GARNL3: variants seen among roughly 807,000 people sequenced by gnomAD.
The protein encoded by GARNL3 is GTPase-activating Rap/Ran-GAP domain-like protein 3.
In GARNL3, 63 loss-of-function variants were observed where a neutral mutation model predicts 125.0. The ratio of observed to expected loss-of-function variants is 0.50; its 90% CI spans 0.41 to 0.62. GARNL3 has a LOEUF of 0.62. Ranked by LOEUF, GARNL3 falls within the 20% of genes least tolerant of loss-of-function variation. GARNL3 has a pLI of 0.00. For synonymous variants in GARNL3, 439 were observed against 457.5 expected, an observed-to-expected ratio of 0.96 and a Z score of 0.52; for missense variants, 994 against 1,244.0, an observed-to-expected ratio of 0.80 and a Z score of 3.02.
chr9:127,263,828 A>G (rs891672978), upstream of GARNL3: 68 of 1,295,260 alleles, frequency 5.2e-5, no homozygotes, highest in Non-Finnish European at 8.8e-6. Flanking sequence ...GAATGCCATT[A>G]GACTCTCTAA....
At chr9:127,262,679 G>C (rs1276368174), upstream of GARNL3, among the ~76,000 whole-genome samples, 1 of 152,262 alleles carries the variant, frequency 6.6e-6, no homozygotes, top group Non-Finnish European at 1.5e-5. Flanking sequence ...GCTCATTAGT[G>C]GGGGTGGCAG....
intron 1 of GARNL3, among the ~76,000 whole-genome samples, chr9:127,279,072 G>T (rs1033027655): frequency 6.6e-6 from 1 of 152,096 alleles, no homozygotes; most frequent in African/African-American, 2.4e-5. Context: ...CTGAATTTGG[G>T]GGGGGACACT....
chr9:127,393,357 C>T lies in GARNL3; in HGVS notation c.*103C>T. ...CAACAAAATGTGGCTTTTAGCCTGT[C>T]AGTGATCTATTGGACCAAACCTTCT... On this transcript the variant is annotated 3_prime_UTR_variant, in exon 28 of 28. Coordinates refer to ENST00000373387, the MANE Select transcript of GARNL3 (RefSeq NM_032293.5). 1 of 1,101,788 alleles carries T rather than the reference C, an allele frequency of 9.1e-7. No homozygotes were observed. The highest frequency in any genetic ancestry group is 1.3e-6 in the Non-Finnish European group (1 of 763,212). 68.3% of individuals were successfully genotyped at this position (1,101,788 alleles called of 1,614,324 possible).
At chr9:127,271,368 A>C (rs2063820619) in intron 1 of GARNL3, among the ~76,000 whole-genome samples, 1 of 150,400 alleles carries the variant, frequency 6.6e-6, no homozygotes. Flanking sequence ...TATTGATTGA[A>C]TGAATGAATG....
chr9:127,300,186 C>T, intron 2 of GARNL3: 1 of 327,450 alleles, frequency 3.1e-6, no homozygotes, highest in Non-Finnish European at 6.2e-6. Flanking sequence ...TAAAGTCTTC[C>T]TGAATGATAA....
At chr9:127,238,177 C>T (rs555444393) in intron 1 of GARNL3, among the ~76,000 whole-genome samples, 7 of 152,254 alleles carry the variant, frequency 4.6e-5, no homozygotes, top group African/African-American at 1.4e-4. Flanking sequence ...TTAGTAGAGA[C>T]GGGGTTTCAC....
rs567742386 is a variant in GARNL3, at chr9:127,382,098, C to G, written c.2162-1340C>G. 2.0e-5 allele frequency among the ~76,000 whole-genome samples: 3 copies of G among 152,020 alleles called. No homozygotes were observed. In the East Asian group the frequency reaches 5.8e-4, roughly 29 times the overall value. ...AGTGGATCACTTGAGGTCAGGAGTTCGACACCAGCCTGGCCAAATGGAGAA... is the reference window on the plus strand; with the variant it reads ...AGTGGATCACTTGAGGTCAGGAGTTGGACACCAGCCTGGCCAAATGGAGAA... On this transcript the variant is annotated intron_variant, in intron 22 of 27. Transcript: ENST00000373387.
In GARNL3 at chr9:127,320,704, T is replaced by G. The variant is rs1445141718; in HGVS notation, c.504-11T>G. 1 of 1,605,600 alleles carries G rather than the reference T, an allele frequency of 6.2e-7. No individual in the cohort carries two copies. Among genetic ancestry groups the G allele is most frequent in the Non-Finnish European group, 8.5e-7 (1 of 1,172,560 alleles). ...CTGATGCTGCAGCTCATCCTGTCCATTCTATTTCAGTGCCATGAATCTGGA... is the reference window on the plus strand; with the variant it reads ...CTGATGCTGCAGCTCATCCTGTCCAGTCTATTTCAGTGCCATGAATCTGGA... On this transcript the variant is annotated splice_polypyrimidine_tract_variant and intron_variant, in intron 5 of 27. Coordinates refer to ENST00000373387, the MANE Select transcript of GARNL3 (RefSeq NM_032293.5).
At chr9:127,291,422 C>T (rs2064412164) in intron 2 of GARNL3, among the ~76,000 whole-genome samples, 180 bp downstream of exon 2, 1 of 152,156 alleles carries the variant, frequency 6.6e-6, no homozygotes, top group South Asian at 2.1e-4. Flanking sequence ...GTGACACATA[C>T]CCTTTAAAAG....
chr9:127,320,688 C>T (rs779914650), intron 5 of GARNL3, 27 bp from the exon 6 acceptor site: 2 of 1,566,866 alleles, frequency 1.3e-6, no homozygotes, highest in South Asian at 2.3e-5. Flanking sequence ...TCTGATGCTG[C>T]AGCTCATCCT....
Position 127,338,009 on chromosome 9 carries a change from G to A in GARNL3, c.983-107G>A, listed in dbSNP as rs562316450. ...AACCTAAGAGTGATAGGTGCCCTAA[G>A]CACAGAAGCGCTGGTCGAGAATGAC... is the stretch of plus-strand genomic sequence containing the variant. On this transcript the variant is annotated intron_variant, in intron 11 of 27. Coordinates refer to ENST00000373387, the MANE Select transcript of GARNL3 (RefSeq NM_032293.5). 400 of 836,720 alleles carry A rather than the reference G, an allele frequency of 4.8e-4. 3 individuals carry two copies. The African/African-American group carries it at 6.3e-3, about 13-fold the overall frequency. 51.8% of individuals were successfully genotyped at this position (836,720 alleles called of 1,614,324 possible).
At chr9:127,316,221 C>T in intron 4 of GARNL3, among the ~76,000 whole-genome samples, 1 of 152,118 alleles carries the variant, frequency 6.6e-6, no homozygotes. Context: ...CCACACATTC[C>T]CCCGAGCTGC....
intron 1 of GARNL3, among the ~76,000 whole-genome samples, chr9:127,284,152 C>T (rs929397618): frequency 6.6e-6 from 1 of 152,158 alleles, no homozygotes; most frequent in East Asian, 1.9e-4. Context: ...TGGGCCAGGG[C>T]TGCCTTTGTG....
At chr9:127,254,927 T>A (rs2063471941) in intron 2 of GARNL3, among the ~76,000 whole-genome samples, 2 of 152,162 alleles carry the variant, frequency 1.3e-5, no homozygotes, top group Admixed American at 1.3e-4. Context: ...ATCAGAGGAA[T>A]GCAAATTAAA....
chr9:127,283,590 A>G (rs1270290473), intron 1 of GARNL3, among the ~76,000 whole-genome samples: 1 of 152,204 alleles, frequency 6.6e-6, no homozygotes, highest in Non-Finnish European at 1.5e-5. Flanking sequence ...AGATTGCTTG[A>G]GCCCAGGAGG....
intron 1 of GARNL3, among the ~76,000 whole-genome samples, chr9:127,232,487 T>A (rs1261650687): frequency 6.6e-6 from 1 of 152,148 alleles, no homozygotes; most frequent in Non-Finnish European, 1.5e-5. Context: ...TTTAAATTTT[T>A]GTGTAGAGAT....
intron 2 of GARNL3, among the ~76,000 whole-genome samples, chr9:127,296,358 C>T (rs190622438): frequency 3.9e-5 from 6 of 151,994 alleles, no homozygotes; most frequent in Non-Finnish European, 5.9e-5. Flanking sequence ...AATACCTTCT[C>T]CAGTTGTATC....
At chr9:127,337,182 C>T (rs1829599607) in intron 11 of GARNL3, among the ~76,000 whole-genome samples, 1 of 152,152 alleles carries the variant, frequency 6.6e-6, no homozygotes, top group African/African-American at 2.4e-5. Context: ...TTCATCCCTG[C>T]TTTCTGAGTA....
chr9:127,348,253 CTCCTACTCCACACA>C (rs879262418), intron 16 of GARNL3, among the ~76,000 whole-genome samples: 2 of 152,180 alleles, frequency 1.3e-5, no homozygotes, highest in Non-Finnish European at 2.9e-5. Flanking sequence ...AACACAATGC[CTCCTACTCCACACA>C]TCCACGTGTG....
Sources: gnomAD v4.1 joint callset for allele counts (sites outside exome capture counted in the v4.1 genomes callset) on GRCh38, gnomAD v4.1.1 for gene constraint, MANE v1.5 for transcripts, NCBI Gene and HGNC (gene_info 2026-07-23, HGNC 2026-07-21) for gene names.